The following SSBP2 variants were observed in gnomAD, a reference collection of about 807,000 sequenced individuals.
SSBP2 encodes the protein single stranded DNA binding protein 2, also known as single-stranded DNA-binding protein 2.
Under a neutral mutation model 61.8 loss-of-function variants are expected in SSBP2, and 17 were observed. That is an observed-to-expected ratio of 0.28 (90% CI 0.19 to 0.41). SSBP2 has a LOEUF of 0.41. SSBP2 is among the 10% of genes least tolerant of loss of function. SSBP2 has a pLI of 1.00. For missense variants in SSBP2, 310 were observed against 458.7 expected (o/e 0.68, Z 2.96); for synonymous variants, 139 against 141.3 (o/e 0.98, Z 0.12).
At chr5:81,491,462 A>T (rs1324676162) in intron 5 of SSBP2, among the ~76,000 whole-genome samples, 1 of 152,192 alleles carries the variant, frequency 6.6e-6, no homozygotes, top group Non-Finnish European at 1.5e-5. Context: ...GTATATGTAA[A>T]AGGAGAATTT....
intron 4 of SSBP2, among the ~76,000 whole-genome samples, chr5:81,608,759 G>C (rs1745134421): frequency 6.6e-6 from 1 of 152,028 alleles, no homozygotes; most frequent in African/African-American, 2.4e-5. Flanking sequence ...AAGAACCCTT[G>C]AGAATTCTAG....
intron 16 of SSBP2, among the ~76,000 whole-genome samples, chr5:81,425,862 G>A (rs1239433552): frequency 1.3e-5 from 2 of 152,166 alleles, no homozygotes; most frequent in African/African-American, 4.8e-5. Context: ...ATGTGTGAGT[G>A]TGAAGAGACT....
intron 6 of SSBP2, among the ~76,000 whole-genome samples, chr5:81,476,761 T>C (rs1194134992): frequency 6.6e-6 from 1 of 152,216 alleles, no homozygotes; most frequent in Non-Finnish European, 1.5e-5. Flanking sequence ...TAGCCTCCAC[T>C]AACAACTAAC....
intron 4 of SSBP2, among the ~76,000 whole-genome samples, chr5:81,544,237 C>T (rs533449621): frequency 5.9e-5 from 9 of 152,174 alleles, no homozygotes; most frequent in East Asian, 1.9e-4. Flanking sequence ...TTAGTAGAGA[C>T]GGGGTTTCAC....
At chr5:81,482,287 C>T (rs1290112097) in intron 6 of SSBP2, among the ~76,000 whole-genome samples, 1 of 152,114 alleles carries the variant, frequency 6.6e-6, no homozygotes, top group Non-Finnish European at 1.5e-5. Flanking sequence ...CAGAATGGTA[C>T]ATGAGCACTG....
intron 1 of SSBP2, among the ~76,000 whole-genome samples, chr5:81,750,124 G>A (rs1757629618): frequency 6.6e-6 from 1 of 151,788 alleles, no homozygotes; most frequent in African/African-American, 2.4e-5. Flanking sequence ...GCTGCGAGAG[G>A]CAGAAACGCC....
intron 1 of SSBP2, among the ~76,000 whole-genome samples, chr5:81,689,184 G>A (rs909494470): frequency 5.9e-5 from 9 of 151,538 alleles, no homozygotes; most frequent in Non-Finnish European, 1.2e-4. Flanking sequence ...ACAGTCAGAG[G>A]AGAAAAAAAG....
At chr5:81,581,373 G>A (rs1200723006) in intron 4 of SSBP2, among the ~76,000 whole-genome samples, 1 of 152,184 alleles carries the variant, frequency 6.6e-6, no homozygotes, top group Non-Finnish European at 1.5e-5. Context: ...GATCCGAAAA[G>A]TCACTGTTAG....
rs368511957 is a variant in SSBP2 at position 81,643,595 on chromosome 5, C to CTT, written c.135+6670_135+6671dup. On this transcript the variant is annotated intron_variant, in intron 2 of 16. Transcript: ENST00000320672. ...AAATTGAAGTAAACATTTTTCCTTT[C>CTT]TTTTTTTTTTTTTTTTTTTTTTTTT... is the stretch of plus-strand genomic sequence containing the variant. Among the ~76,000 whole-genome samples the CTT allele has an allele frequency of 5.5e-3, 331 of 60,160 alleles. 2 individuals are homozygous for CTT. Among genetic ancestry groups the CTT allele is most frequent in the African/African-American group, 6.7e-3 (105 of 15,718 alleles). 39.5% of individuals were successfully genotyped at this position (60,160 alleles called of 152,430 possible).
At chr5:81,600,381 T>C (rs1323240416) in intron 4 of SSBP2, among the ~76,000 whole-genome samples, 1 of 151,520 alleles carries the variant, frequency 6.6e-6, no homozygotes, top group African/African-American at 2.4e-5. Context: ...GCCAATACGG[T>C]GAAACCCTGT....
chr5:81,748,419 A>G (rs567179289), intron 1 of SSBP2, among the ~76,000 whole-genome samples: 1 of 152,316 alleles, frequency 6.6e-6, no homozygotes, highest in East Asian at 1.9e-4. Context: ...ATGTTAGTAC[A>G]TTGTTGCAGA....
At chr5:81,478,575 C>G (rs1267636052) in intron 6 of SSBP2, among the ~76,000 whole-genome samples, 1 of 152,036 alleles carries the variant, frequency 6.6e-6, no homozygotes. Context: ...CTGACCTCAT[C>G]ATCGGCCCGT....
intron 6 of SSBP2, among the ~76,000 whole-genome samples, chr5:81,479,761 C>T (rs1765848636): frequency 6.6e-6 from 1 of 152,112 alleles, no homozygotes; most frequent in African/African-American, 2.4e-5. Context: ...TTTAAACAAT[C>T]TTATAAAGTT....
At chr5:81,465,567 T>C (rs1057277229) in intron 9 of SSBP2, among the ~76,000 whole-genome samples, 5 of 152,058 alleles carry the variant, frequency 3.3e-5, no homozygotes, top group African/African-American at 1.2e-4. Flanking sequence ...ATTAGATACA[T>C]TCTTATTGAA....
At chr5:81,616,416 C>G (rs1363454267) in intron 3 of SSBP2, 4 of 147,916 alleles carry the variant, frequency 2.7e-5, no homozygotes, top group African/African-American at 1.0e-4. Context: ...CGGCGCACCA[C>G]GAGACTATAT....
chr5:81,501,461 A>G (rs971143066), intron 5 of SSBP2, among the ~76,000 whole-genome samples: 3 of 149,884 alleles, frequency 2.0e-5, no homozygotes, highest in Non-Finnish European at 4.4e-5. Flanking sequence ...CATTCCAAGT[A>G]ATTAATTATA....
At chr5:81,616,239 GT>G in intron 3 of SSBP2, 1 of 148,922 alleles carries the variant, frequency 6.7e-6, no homozygotes, top group African/African-American at 2.5e-5. Context: ...AGGCCAGTGT[GT>G]GTGCGCACCG....
At chr5:81,464,560 C>T (rs1487015741) in intron 9 of SSBP2, among the ~76,000 whole-genome samples, 1 of 152,050 alleles carries the variant, frequency 6.6e-6, no homozygotes, top group Non-Finnish European at 1.5e-5. Flanking sequence ...TAAAGAAATA[C>T]AGTTGTCAGT....
intron 4 of SSBP2, among the ~76,000 whole-genome samples, chr5:81,547,098 C>T (rs1419668796): frequency 7.2e-6 from 1 of 138,132 alleles, no homozygotes; most frequent in East Asian, 2.1e-4. Flanking sequence ...ATCCAGAACA[C>T]TAACACCACC....
Sources: allele counts gnomAD v4.1 joint callset (sites outside exome capture counted in the v4.1 genomes callset), GRCh38; gene constraint gnomAD v4.1.1; transcripts MANE v1.5; gene names NCBI Gene and HGNC (gene_info 2026-07-23, HGNC 2026-07-21).